The following PARP10 variants were observed in gnomAD, a reference collection of about 807,000 sequenced individuals.
The protein encoded by PARP10 is poly(ADP-ribose) polymerase family member 10, also known as protein mono-ADP-ribosyltransferase PARP10.
In PARP10, 56 loss-of-function variants were observed where a neutral mutation model predicts 82.4. The ratio of observed to expected loss-of-function variants is 0.68; its 90% CI spans 0.55 to 0.85. The LOEUF (loss-of-function observed/expected upper bound fraction) is 0.85, where lower values mean the gene tolerates loss of function less well. Ranked by LOEUF, PARP10 falls within the 40% of genes least tolerant of loss-of-function variation. The pLI is 0.00. For missense variants in PARP10, 1,227 were observed against 1,379.4 expected (o/e 0.89, Z 1.75); for synonymous variants, 576 against 601.1 (o/e 0.96, Z 0.61).
Position 143,986,193 on chromosome 8 carries a change from C to T in PARP10, c.43G>A (p.Val15Ile), listed in dbSNP as rs781892535. The T allele has an allele frequency of 6.2e-7, 1 of 1,613,784 alleles. No homozygotes were observed. Among genetic ancestry groups the T allele is most frequent in the Non-Finnish European group, 8.5e-7 (1 of 1,179,920 alleles). Residue 15 changes from valine (V) to isoleucine (I), a missense_variant, in exon 2 of 11, where the codon GTC (valine) becomes ATC (isoleucine). Physicochemically the swap from Val to Ile is conservative, Grantham distance 29. Transcript: ENST00000313028. ...AEAEAGVAVE[V>I]RGLPPAVPDE... The stretch of plus-strand genomic sequence containing the variant: ...GGCACGGCAGGGGGCAGTCCACGGA[C>T]CTCCACTGCCACCCCTGCCTCTGCC...
At chr8:144,010,250 C>G (rs1554752362) in intron 1 of PARP10, among the ~76,000 whole-genome samples, 1 of 152,232 alleles carries the variant, frequency 6.6e-6, no homozygotes, top group African/African-American at 2.4e-5. Context: ...CATAGCCACT[C>G]TCCACTAGCT....
chr8:144,012,716 C>G, exon 1 of PARP10: 1 of 1,551,646 alleles, frequency 6.4e-7, no homozygotes, highest in Non-Finnish European at 8.7e-7. Context: ...TTTCCTCACG[C>G]CAGAACAATG....
intron 1 of PARP10, among the ~76,000 whole-genome samples, chr8:144,001,535 C>T (rs6985003): frequency 0.3 from 46,234 of 151,946 alleles, 7,566 homozygotes; most frequent in Non-Finnish European, 0.36. Context: ...GGTGAAACCC[C>T]GTCTGTACTA....
chr8:143,985,837 T>C lies in PARP10; in HGVS notation c.320A>G (p.Gln107Arg). 6.2e-7 allele frequency: 1 copy of C among 1,611,054 alleles called. No individual in the cohort carries two copies. Among genetic ancestry groups the C allele is most frequent in the Non-Finnish European group, 8.5e-7 (1 of 1,179,180 alleles). Residue 107 changes from glutamine (Q) to arginine (R), a missense_variant, in exon 3 of 11, where the codon CAG becomes CGG. Coordinates refer to ENST00000313028, the MANE Select transcript of PARP10 (RefSeq NM_032789.5). ...GGCCCGCAGCAAGGCCTGGACATGC[T>C]GCTCCAAGCGCTGGGGCGTGGTGCC... ...PPGTTPQRLEQHVQALLRASG... is the reference protein window; with the variant it reads ...PPGTTPQRLERHVQALLRASG...
At chr8:144,012,466 C>G in intron 1 of PARP10, 3 of 1,515,530 alleles carry the variant, frequency 2.0e-6, no homozygotes, top group Non-Finnish European at 2.7e-6. Context: ...TGGGCAGCCT[C>G]CAGGTGCAGT....
Position 144,009,728 on chromosome 8 carries a change from T to A in PARP10, c.-80+2802A>T, listed in dbSNP as rs79213641. ...ACTCTAAACTTGGTTTTCCTTCCAA[T>A]TGGGTTGGTATAACCAGAGGCTCCA... On this transcript the variant is annotated intron_variant, in intron 1 of 3. Transcript: ENST00000530478. 2.8e-3 allele frequency among the ~76,000 whole-genome samples: 420 copies of A among 152,310 alleles called. 16 individuals carry two copies. In the East Asian group the frequency reaches 0.066, roughly 24 times the overall value.
chr8:143,994,926 T>A (rs1360380272), upstream of PARP10, among the ~76,000 whole-genome samples: 2 of 150,908 alleles, frequency 1.3e-5, no homozygotes, highest in Non-Finnish European at 2.9e-5. Flanking sequence ...AATAAAGTGT[T>A]TATGTGGCTA....
Position 143,977,695 on chromosome 8 carries a change from C to T in PARP10, c.2867G>A (p.Gly956Asp). The change falls in exon 11 of 11, where the codon GGC (glycine) becomes GAC (aspartate). Residue 956 changes from glycine to aspartate, a missense_variant. Physicochemically the swap from Gly to Asp is moderately conservative, Grantham distance 94. Transcript: ENST00000313028. ...AGGGGGCGCCCGCAGACCGCGGCGGCCCTGCCCGTAGTCGCCAGTCAGCAC... is the reference window on the plus strand; with the variant it reads ...AGGGGGCGCCCGCAGACCGCGGCGGTCCTGCCCGTAGTCGCCAGTCAGCAC... ...ARVLTGDYGQGRRGLRAPPLR... is the reference protein window; with the variant it reads ...ARVLTGDYGQDRRGLRAPPLR... 1 of 1,592,322 alleles carries T rather than the reference C, an allele frequency of 6.3e-7. No homozygotes were observed. The highest frequency in any genetic ancestry group is 8.5e-7 in the Non-Finnish European group (1 of 1,170,270).
chr8:143,989,212 G>A (rs1554750084), upstream of PARP10, among the ~76,000 whole-genome samples: 2 of 152,250 alleles, frequency 1.3e-5, no homozygotes, highest in Non-Finnish European at 2.9e-5. The surrounding 1 kb of genome is among the most constrained non-coding windows in gnomAD (Gnocchi z 4.3). Context: ...AAGGCTGGCA[G>A]CAGGATGTAC....
intron 1 of PARP10, among the ~76,000 whole-genome samples, chr8:143,996,788 G>A (rs1352905450): frequency 2.6e-5 from 4 of 152,212 alleles, no homozygotes; most frequent in Admixed American, 2.0e-4. Context: ...GGGGAAGCAG[G>A]TAGAAGAAGG....
chr8:143,988,632 A>AT (rs1475726243), upstream of PARP10, among the ~76,000 whole-genome samples: 564 of 149,526 alleles, frequency 3.8e-3, 2 homozygotes, highest in African/African-American at 0.012. Flanking sequence ...CGCCCAGCTA[A>AT]TTTTTTTTTG....
At chr8:143,980,318 T>TAAAAAAAAAAAAA (rs1564247548) in intron 9 of PARP10, among the ~76,000 whole-genome samples, 35 of 15,678 alleles carry the variant, frequency 2.2e-3, no homozygotes, top group African/African-American at 4.7e-3. Flanking sequence ...AGATTCCGTC[T>TAAAAAAAAAAAAA]CAAAAAAAAA....
intron 1 of PARP10, among the ~76,000 whole-genome samples, chr8:144,002,978 A>G (rs1554751793): frequency 6.6e-6 from 1 of 152,238 alleles, no homozygotes; most frequent in East Asian, 1.9e-4. Context: ...CACATGCAAC[A>G]GACAATGGAT....
chr8:143,985,203 T>C lies in PARP10; in HGVS notation c.799A>G (p.Thr267Ala). Residue 267 changes from threonine to alanine, a missense_variant, in exon 5 of 11, where the codon ACC becomes GCC. Physicochemically the swap from Thr to Ala is moderately conservative, Grantham distance 58. Transcript: ENST00000313028. The stretch of plus-strand genomic sequence containing the variant: ...TGCTTGGTAGCCCTAGGCCCCTGGG[T>C]GGACGGGTGGTCCCCTCCACTGGTG... ...ENTSGGDHPS[T>A]QGPRATKHAL... 1 of 1,614,026 alleles carries C rather than the reference T, an allele frequency of 6.2e-7. No individual in the cohort carries two copies.
chr8:143,986,578 T>A (rs1833996572), upstream of PARP10: 1 of 717,038 alleles, frequency 1.4e-6, no homozygotes, highest in South Asian at 1.8e-5. Context: ...GACCAGGAGG[T>A]ATTGGCCAGG....
chr8:143,993,077 C>T (rs1834127930), upstream of PARP10: 9 of 525,932 alleles, frequency 1.7e-5, no homozygotes, highest in South Asian at 1.3e-4. Context: ...ACCAAGGCCA[C>T]GTTTCCGTGC....
In PARP10 at chr8:144,011,594, A is replaced by T. The variant is rs1273902895; in HGVS notation, c.-80+936T>A. On this transcript the variant is annotated intron_variant, in intron 1 of 3. Coordinates refer to the PARP10 transcript ENST00000530478. This position sits in a 1 kb window ranked among gnomAD's most constrained non-coding sequence, Gnocchi z 4.5. ...ACGGCCTCACTCAGTACTCAAGGTC[A>T]GTACCATAGAGTTATCTGTAGATAG... is the stretch of plus-strand genomic sequence containing the variant. Among the ~76,000 whole-genome samples, 1 of 152,226 alleles carries T rather than the reference A, an allele frequency of 6.6e-6. No individual in the cohort carries two copies. Among genetic ancestry groups the T allele is most frequent in the Non-Finnish European group, 1.5e-5 (1 of 68,038 alleles).
At chr8:143,988,108 C>T (rs1176052917), upstream of PARP10, among the ~76,000 whole-genome samples, 1 of 148,666 alleles carries the variant, frequency 6.7e-6, no homozygotes, top group African/African-American at 2.5e-5. Context: ...TCCCCACAAA[C>T]CCCCATGGCC....
upstream of PARP10, chr8:143,992,019 A>G: frequency 6.2e-7 from 1 of 1,613,700 alleles, no homozygotes; most frequent in African/African-American, 1.3e-5. Context: ...CATCTCTCTC[A>G]TCGTCCTCAG....
Sources: gnomAD v4.1 joint callset for allele counts (sites outside exome capture counted in the v4.1 genomes callset) on GRCh38, gnomAD v4.1.1 for gene constraint, Gnocchi (gnomAD v3.1) non-coding constraint, MANE v1.5 for transcripts, NCBI Gene and HGNC (gene_info 2026-07-23, HGNC 2026-07-21) for gene names.